SPTLC1: variants seen among roughly 807,000 people sequenced by gnomAD.
The protein encoded by SPTLC1 is serine palmitoyltransferase long chain base subunit 1, also known as serine palmitoyltransferase 1.
In SPTLC1, 55 loss-of-function variants were observed where a neutral mutation model predicts 68.9. The observed-to-expected ratio is 0.80, with a 90% CI of 0.64 to 1.00. The LOEUF (loss-of-function observed/expected upper bound fraction) is 1.00. SPTLC1 is among the 50% of genes least tolerant of loss of function. The pLI is 0.00. For synonymous variants in SPTLC1, 197 were observed against 201.6 expected (o/e 0.98, Z 0.19); for missense variants, 449 against 573.1 (o/e 0.78, Z 2.21).
rs1564125240 is a variant in SPTLC1, at chr9:92,115,400, C to A, written c.-30G>T. 6.2e-6 allele frequency: 10 copies of A among 1,611,566 alleles called. No homozygotes were observed. The highest frequency in any genetic ancestry group is 8.5e-6 in the Non-Finnish European group (10 of 1,178,614). On this transcript the variant is annotated 5_prime_UTR_variant, in exon 1 of 15. Coordinates refer to ENST00000262554, the MANE Select transcript of SPTLC1 (RefSeq NM_006415.4). ...AGCCGCTTCCTTCCGGAAGGCGGGT[C>A]ACAAGCGCGTCCCAAAAGTGCGCGT...
chr9:92,105,815 C>T (rs1426384325), intron 3 of SPTLC1, among the ~76,000 whole-genome samples: 10 of 109,744 alleles, frequency 9.1e-5, no homozygotes, highest in African/African-American at 1.1e-4. Flanking sequence ...GTCCTGTCTG[C>T]GAAGTGAGGA....
At chr9:92,106,135 G>A (rs1288388703) in intron 3 of SPTLC1, among the ~76,000 whole-genome samples, 1 of 152,158 alleles carries the variant, frequency 6.6e-6, no homozygotes, top group Non-Finnish European at 1.5e-5. Context: ...CACCATCTGG[G>A]AAGTGAGGAG....
At chr9:92,106,197 GTGT>G (rs1835977130) in intron 3 of SPTLC1, among the ~76,000 whole-genome samples, 1 of 152,194 alleles carries the variant, frequency 6.6e-6, no homozygotes, top group Non-Finnish European at 1.5e-5. Context: ...ACAGCCTTGT[GTGT>G]GATCTTTCTG....
intron 3 of SPTLC1, among the ~76,000 whole-genome samples, chr9:92,082,182 G>A (rs796829810): frequency 6.6e-6 from 1 of 152,158 alleles, no homozygotes; most frequent in South Asian, 2.1e-4. Context: ...CATAAGAGGT[G>A]CTCTCCAAAT....
At position 92,032,562 on chromosome 9, in the gene SPTLC1, A is replaced by G. The variant is rs553040615; in HGVS notation, c.1329-4T>C. ...CACCGTGACCACAACCCGAATGCTGAGAACAGTAAAGGACACAAAGAATTA... is the reference window on the plus strand; with the variant it reads ...CACCGTGACCACAACCCGAATGCTGGGAACAGTAAAGGACACAAAGAATTA... On this transcript the variant is annotated splice_region_variant and splice_polypyrimidine_tract_variant and intron_variant, in intron 14 of 14. Transcript: ENST00000262554. 2 of 1,613,364 alleles carry G rather than the reference A, an allele frequency of 1.2e-6. No homozygotes were observed. Among genetic ancestry groups the G allele is most frequent in the African/African-American group, 1.3e-5 (1 of 74,322 alleles).
intron 4 of SPTLC1, 145 bp from the exon 5 acceptor site, chr9:92,080,233 G>C (rs1272664241): frequency 4.5e-6 from 3 of 669,240 alleles, no homozygotes; most frequent in Non-Finnish European, 7.7e-6. Context: ...TAAAGACTGA[G>C]TATATGACTT....
At chr9:92,099,147 C>A (rs1261643962) in intron 3 of SPTLC1, among the ~76,000 whole-genome samples, 3 of 152,196 alleles carry the variant, frequency 2.0e-5, no homozygotes, top group African/African-American at 7.2e-5. Flanking sequence ...TATCCTATAT[C>A]TGAACTCTGC....
chr9:92,040,330 A>G (rs747449339), intron 12 of SPTLC1, among the ~76,000 whole-genome samples: 2 of 152,136 alleles, frequency 1.3e-5, no homozygotes, highest in Admixed American at 6.5e-5. Flanking sequence ...AGATCGTGCC[A>G]CTGCACTCCA....
intron 12 of SPTLC1, among the ~76,000 whole-genome samples, chr9:92,041,673 T>A (rs1247781934): frequency 1.3e-5 from 2 of 152,334 alleles, no homozygotes; most frequent in East Asian, 3.9e-4. Context: ...GTAAAGTTGG[T>A]ACAAGGTTAT....
intron 14 of SPTLC1, among the ~76,000 whole-genome samples, chr9:92,033,287 T>A (rs1833035345): frequency 1.3e-5 from 2 of 152,236 alleles, no homozygotes; most frequent in African/African-American, 4.8e-5. Context: ...TTGTTCGTAT[T>A]TATGTCAATA....
chr9:92,085,836 G>A (rs1217302591), intron 3 of SPTLC1, among the ~76,000 whole-genome samples: 1 of 151,608 alleles, frequency 6.6e-6, no homozygotes, highest in Non-Finnish European at 1.5e-5. Context: ...AATGTTGACA[G>A]TGGGGTGTTA....
At chr9:92,059,359 T>G (rs1190311211) in intron 6 of SPTLC1, 51 bp from the exon 7 acceptor site, 1 of 1,607,282 alleles carries the variant, frequency 6.2e-7, no homozygotes, top group East Asian at 2.2e-5. Context: ...CTTGTCAACA[T>G]TCTCAAAAAG....
In SPTLC1 at chr9:92,108,991, G is replaced by A. The variant is rs568509593; in HGVS notation, c.166-157C>T. The A allele has an allele frequency of 6.9e-5, 80 of 1,157,012 alleles. No homozygotes were observed. The African/African-American group carries it at 9.4e-4, about 14-fold the overall frequency. 71.7% of individuals were successfully genotyped at this position (1,157,012 alleles called of 1,614,324 possible). On this transcript the variant is annotated intron_variant, in intron 2 of 14. Transcript: ENST00000262554. Reference sequence around the variant, plus strand: ...GCTTATGTCTTCACACTATTAGTACGTCTTTGTTCGCATAATACATAATGA... The same window carrying A: ...GCTTATGTCTTCACACTATTAGTACATCTTTGTTCGCATAATACATAATGA...
intron 3 of SPTLC1, chr9:92,105,208 G>T: frequency 1.3e-6 from 2 of 1,534,096 alleles, no homozygotes; most frequent in East Asian, 2.4e-5. Flanking sequence ...AGCTGCAACC[G>T]ACCCCTCCCC....
chr9:92,098,746 C>CTA (rs1354274373), intron 3 of SPTLC1, among the ~76,000 whole-genome samples: 2 of 152,016 alleles, frequency 1.3e-5, no homozygotes, highest in Non-Finnish European at 1.5e-5. Flanking sequence ...TGAAATCTAT[C>CTA]TATAATCTAC....
At chr9:92,106,202 ATCTT>A (rs1835977318) in intron 3 of SPTLC1, among the ~76,000 whole-genome samples, 1 of 152,156 alleles carries the variant, frequency 6.6e-6, no homozygotes, top group Non-Finnish European at 1.5e-5. Flanking sequence ...CTTGTGTGTG[ATCTT>A]TCTGCCCTCC....
chr9:92,038,783 C>T (rs1833241581), intron 12 of SPTLC1, among the ~76,000 whole-genome samples: 1 of 152,238 alleles, frequency 6.6e-6, no homozygotes, highest in Admixed American at 6.5e-5. Flanking sequence ...TTCTTCATCA[C>T]CCACTTTAGG....
rs567776804 is a variant in SPTLC1 at position 92,072,336 on chromosome 9, G to A, written c.428-4238C>T. Among the ~76,000 whole-genome samples the A allele has an allele frequency of 2.2e-4, 34 of 152,180 alleles. No homozygotes were observed. The South Asian group carries it at 7.1e-3, about 32-fold the overall frequency. On this transcript the variant is annotated intron_variant, in intron 5 of 14. Coordinates refer to ENST00000262554, the MANE Select transcript of SPTLC1 (RefSeq NM_006415.4). ...CCTCTTTTTCTCTCCTCAAAATTGA[G>A]ACAAGGAACCTTCCTCTTATCCATG...
chr9:92,036,355 T>C (rs1833140294), intron 13 of SPTLC1, among the ~76,000 whole-genome samples: 1 of 152,212 alleles, frequency 6.6e-6, no homozygotes, highest in Admixed American at 6.5e-5. Flanking sequence ...TAACACCGAG[T>C]TGCTTCATTC....
Sources: allele counts gnomAD v4.1 joint callset (sites outside exome capture counted in the v4.1 genomes callset), GRCh38; gene constraint gnomAD v4.1.1; transcripts MANE v1.5; gene names NCBI Gene and HGNC (gene_info 2026-07-23, HGNC 2026-07-21).